The following JADE3 variants were observed in gnomAD, a reference collection of about 807,000 sequenced individuals.
The protein encoded by JADE3 is jade family PHD finger 3, also known as protein Jade-3.
JADE3 carries 2 observed loss-of-function variants against 50.1 expected under a neutral mutation model. The observed-to-expected ratio is 0.04, with a 90% CI of 0.02 to 0.13. The LOEUF (loss-of-function observed/expected upper bound fraction) is 0.13. Among genes scored for constraint, JADE3 ranks in the 10% least tolerant of loss-of-function variants. The probability of loss-of-function intolerance (pLI) is 1.00; values close to 1 mark genes in which losing one functional copy is unlikely to be tolerated. For synonymous variants in JADE3, 218 were observed against 232.9 expected (o/e 0.94, Z 0.58); for missense variants, 475 against 634.4 (o/e 0.75, Z 2.70).
At chrX:46,932,772 A>G (rs1394307204) in intron 1 of JADE3, among the ~76,000 whole-genome samples, 2 of 111,593 alleles carry the variant, frequency 1.8e-5, no homozygotes, top group African/African-American at 6.5e-5. Context: ...CAGGTACTCA[A>G]GAACACTGCA....
chrX:47,006,591 C>T (rs1928430247), intron 4 of JADE3, among the ~76,000 whole-genome samples: 4 of 108,565 alleles, frequency 3.7e-5, no homozygotes, highest in African/African-American at 6.7e-5. Flanking sequence ...TGAGCCAATG[C>T]GCCCAGCCCA....
intron 6 of JADE3, among the ~76,000 whole-genome samples, chrX:47,028,461 C>T: frequency 9.1e-6 from 1 of 110,022 alleles, no homozygotes; most frequent in East Asian, 2.9e-4. Context: ...TGAGGTTACA[C>T]CCATGGTCAG....
intron 1 of JADE3, among the ~76,000 whole-genome samples, chrX:46,923,769 A>T (rs930124136): frequency 2.7e-5 from 3 of 110,671 alleles, no homozygotes; most frequent in African/African-American, 9.8e-5. Flanking sequence ...ACTCTTGCTT[A>T]GCTTTGGGTT....
intron 6 of JADE3, among the ~76,000 whole-genome samples, chrX:47,029,641 C>T (rs1429314302): frequency 5.4e-5 from 6 of 111,983 alleles, no homozygotes; most frequent in African/African-American, 1.6e-4. Flanking sequence ...CTTAACCTAA[C>T]CACCCTGTAT....
rs533769054 is a variant in JADE3, at chrX:46,977,732, G to A, written c.-11-7152G>A. On this transcript the variant is annotated intron_variant, in intron 1 of 10. Transcript: ENST00000614628. ...TGTTCTCAGGAGAAACCTGTAAGGGGAAGAGGGTAACCGGGTAAGGAAGGA... is the reference window on the plus strand; with the variant it reads ...TGTTCTCAGGAGAAACCTGTAAGGGAAAGAGGGTAACCGGGTAAGGAAGGA... Among the ~76,000 whole-genome samples, 9 of 111,841 alleles carry A rather than the reference G, an allele frequency of 8.0e-5. No homozygotes were observed. The South Asian group carries it at 3.4e-3, about 42-fold the overall frequency.
intron 8 of JADE3, among the ~76,000 whole-genome samples, chrX:47,049,032 G>A (rs1929437356): frequency 9.0e-6 from 1 of 110,921 alleles, no homozygotes. Flanking sequence ...TTTTAAATGG[G>A]CATAATAAAA....
In JADE3 at chrX:47,058,999, T is replaced by C. The variant is rs1602428242; in HGVS notation, c.2394T>C (p.Asn798=). 6 of 1,207,005 alleles carry C rather than the reference T, an allele frequency of 5.0e-6. No individual in the cohort carries two copies. In the African/African-American group the frequency reaches 1.1e-4, roughly 21 times the overall value. Residue 798 remains asparagine, a synonymous_variant, in exon 11 of 11, where the codon AAT becomes AAC. Coordinates refer to ENST00000614628, the MANE Select transcript of JADE3 (RefSeq NM_014735.5). ...GGAAAGATAGCTCAGACAGGGAAAATCCTCCCCATGACTCTAGACGGGATT... is the reference window on the plus strand; with the variant it reads ...GGAAAGATAGCTCAGACAGGGAAAACCCTCCCCATGACTCTAGACGGGATT... ...RVRKDSSDRE[N]PPHDSRRDCH...
chrX:47,049,446 G>A lies in JADE3; in HGVS notation c.973-4712G>A, dbSNP rs1233585255. ...CTCCCAAAATGCTGGGATTATAGGC[G>A]TGAGCCACCGCGCCCAACCCTTTTT... is the stretch of plus-strand genomic sequence containing the variant. On this transcript the variant is annotated intron_variant, in intron 8 of 10. Coordinates refer to ENST00000614628, the MANE Select transcript of JADE3 (RefSeq NM_014735.5). Among the ~76,000 whole-genome samples the A allele has an allele frequency of 7.5e-5, 8 of 106,235 alleles. No homozygotes were observed. In the South Asian group the frequency reaches 1.3e-3, roughly 17 times the overall value. The allele number at this position is 106,235 out of a possible 115,157, so 92.3% of individuals were successfully genotyped here.
In JADE3 at chrX:46,969,539, C is replaced by T. The variant is rs1288724160; in HGVS notation, c.-11-15345C>T. Among the ~76,000 whole-genome samples, 3 of 111,696 alleles carry T rather than the reference C, an allele frequency of 2.7e-5. No individual in the cohort carries two copies. The Admixed American group carries it at 2.8e-4, about 11-fold the overall frequency. ...ATGCCTGAATGTAGATGAAAATATA[C>T]CATATCAAAACTCGTGGCAGGGCGC... On this transcript the variant is annotated intron_variant, in intron 1 of 10. Transcript: ENST00000614628.
chrX:47,057,716 C>G (rs1929657049), intron 10 of JADE3, among the ~76,000 whole-genome samples: 1 of 111,883 alleles, frequency 8.9e-6, no homozygotes, highest in Non-Finnish European at 1.9e-5. Context: ...TGCCTTGCTT[C>G]AGGAAGGCCA....
At chrX:47,023,385 G>A (rs1175765232) in intron 4 of JADE3, among the ~76,000 whole-genome samples, 3 of 111,086 alleles carry the variant, frequency 2.7e-5, no homozygotes, top group East Asian at 2.8e-4. Flanking sequence ...CTGTTCCTGC[G>A]TTAGTTTGCT....
chrX:46,941,159 C>T (rs189882958), intron 1 of JADE3, among the ~76,000 whole-genome samples: 28 of 110,181 alleles, frequency 2.5e-4, no homozygotes, highest in Non-Finnish European at 9.5e-5. Context: ...TGCTTATAGA[C>T]GACAACATGC....
intron 4 of JADE3, among the ~76,000 whole-genome samples, chrX:47,024,211 T>C (rs1556365065): frequency 8.9e-6 from 1 of 111,788 alleles, no homozygotes; most frequent in Non-Finnish European, 1.9e-5. Context: ...GGGCCAGTCG[T>C]GGTGGCTCAC....
At chrX:47,005,449 C>T (rs1045020799) in intron 4 of JADE3, among the ~76,000 whole-genome samples, 14 of 111,353 alleles carry the variant, frequency 1.3e-4, no homozygotes, top group Non-Finnish European at 2.5e-4. Context: ...CCACGTTGGC[C>T]GGGCTGGTCT....
intron 1 of JADE3, among the ~76,000 whole-genome samples, chrX:46,956,595 T>TCTC: frequency 9.3e-6 from 1 of 106,982 alleles, no homozygotes; most frequent in South Asian, 4.3e-4. Flanking sequence ...CGCGCAATCA[T>TCTC]GGCTCAGTGC....
chrX:46,943,732 A>G (rs782089822), intron 1 of JADE3, among the ~76,000 whole-genome samples: 5 of 111,835 alleles, frequency 4.5e-5, no homozygotes, highest in Admixed American at 3.8e-4. Flanking sequence ...CATAGAATGC[A>G]TTAGGGAGGA....
chrX:46,985,377 T>G (rs1927839489), intron 2 of JADE3, among the ~76,000 whole-genome samples: 1 of 112,408 alleles, frequency 8.9e-6, no homozygotes, highest in African/African-American at 3.2e-5. Flanking sequence ...GCTCCACATT[T>G]GTAGTTTTTC....
chrX:47,036,943 A>G (rs1176950669), intron 7 of JADE3, among the ~76,000 whole-genome samples: 10 of 77,978 alleles, frequency 1.3e-4, no homozygotes, highest in African/African-American at 4.4e-4. Context: ...GGAATATCAC[A>G]CTCTGGGGAC....
chrX:47,015,447 G>C (rs1556362646), intron 4 of JADE3, among the ~76,000 whole-genome samples: 1 of 109,185 alleles, frequency 9.2e-6, no homozygotes, highest in Non-Finnish European at 1.9e-5. Flanking sequence ...AGCTGGGTGT[G>C]GTGGCTTATG....
Sources: allele counts gnomAD v4.1 joint callset (sites outside exome capture counted in the v4.1 genomes callset), GRCh38; gene constraint gnomAD v4.1.1; transcripts MANE v1.5; gene names NCBI Gene and HGNC (gene_info 2026-07-23, HGNC 2026-07-21).